SEMA5A: variants seen among roughly 807,000 people sequenced by gnomAD.
SEMA5A encodes the protein semaphorin-5A.
In SEMA5A, 55 loss-of-function variants were observed where a neutral mutation model predicts 135.5. The ratio of observed to expected loss-of-function variants is 0.41; its 90% CI spans 0.33 to 0.51. The LOEUF is 0.51. Among genes scored for constraint, SEMA5A ranks in the 20% least tolerant of loss-of-function variants. The pLI, the probability that SEMA5A is intolerant of heterozygous loss-of-function variation, is 0.37. For synonymous variants in SEMA5A, 580 were observed against 546.5 expected (o/e 1.06, Z -0.85); for missense variants, 1,290 against 1,419.9 (o/e 0.91, Z 1.47).
rs188441558 is a variant in SEMA5A, at chr5:9,052,843, T to C, written c.2690-815A>G. ...AAAACTCTGGATATTGTTTATGGAA[T>C]TTTAATCAGGATAAAAAGGTATTTT... On this transcript the variant is annotated intron_variant, in intron 19 of 22. Coordinates refer to ENST00000382496, the MANE Select transcript of SEMA5A (RefSeq NM_003966.3). Among the ~76,000 whole-genome samples, 23 of 152,304 alleles carry C rather than the reference T, an allele frequency of 1.5e-4. No homozygotes were observed. In the East Asian group the frequency reaches 4.2e-3, roughly 28 times the overall value.
intron 8 of SEMA5A, among the ~76,000 whole-genome samples, chr5:9,221,668 A>G (rs1747006174): frequency 6.6e-6 from 1 of 152,154 alleles, no homozygotes; most frequent in Non-Finnish European, 1.5e-5. Flanking sequence ...TATGGTGAAA[A>G]GAAAGATAAT....
At chr5:9,252,730 C>T (rs750383627) in intron 5 of SEMA5A, among the ~76,000 whole-genome samples, 1 of 152,192 alleles carries the variant, frequency 6.6e-6, no homozygotes, top group Non-Finnish European at 1.5e-5. Flanking sequence ...ATCTAAGATT[C>T]TAAGATTCCA....
chr5:9,384,661 T>TAGATAGATAGATAGATAGATAG (rs1214516553), intron 2 of SEMA5A, among the ~76,000 whole-genome samples: 2 of 66,522 alleles, frequency 3.0e-5, no homozygotes, highest in Non-Finnish European at 6.7e-5. Flanking sequence ...GATAGATAGA[T>TAGATAGATAGATAGATAGATAG]ATAGATAGAT....
chr5:9,497,074 T>C (rs926412123), intron 1 of SEMA5A, among the ~76,000 whole-genome samples: 3 of 152,206 alleles, frequency 2.0e-5, no homozygotes, highest in East Asian at 1.9e-4. Context: ...AAAGAGAGTA[T>C]CACATGGTAG....
intron 2 of SEMA5A, among the ~76,000 whole-genome samples, chr5:9,419,833 AC>A (rs1340707851): frequency 3.9e-5 from 6 of 152,340 alleles, no homozygotes; most frequent in East Asian, 3.9e-4. Flanking sequence ...CGAATAACCA[AC>A]AAAAACAAGT....
At chr5:9,286,604 G>T (rs970597973) in intron 5 of SEMA5A, among the ~76,000 whole-genome samples, 2 of 151,930 alleles carry the variant, frequency 1.3e-5, no homozygotes, top group Non-Finnish European at 1.5e-5. Flanking sequence ...GACTGACCAG[G>T]GCTGGACAGT....
chr5:9,419,655 G>C (rs1029490201), intron 2 of SEMA5A, among the ~76,000 whole-genome samples: 7 of 152,066 alleles, frequency 4.6e-5, no homozygotes, highest in Admixed American at 3.9e-4. Context: ...ATAAAATAGG[G>C]GGCTTTATGT....
intron 3 of SEMA5A, among the ~76,000 whole-genome samples, chr5:9,338,965 G>A (rs1370653241): frequency 6.6e-6 from 1 of 152,122 alleles, no homozygotes; most frequent in Non-Finnish European, 1.5e-5. Flanking sequence ...AGGGGGAAGT[G>A]ATATCAAGTA....
intron 5 of SEMA5A, among the ~76,000 whole-genome samples, chr5:9,314,091 T>C (rs934825577): frequency 2.0e-5 from 3 of 152,200 alleles, no homozygotes; most frequent in Non-Finnish European, 4.4e-5. Flanking sequence ...ATCTGTTTCA[T>C]CATTTTTCTA....
At chr5:9,128,416 T>C (rs1741231686) in intron 13 of SEMA5A, among the ~76,000 whole-genome samples, 1 of 152,232 alleles carries the variant, frequency 6.6e-6, no homozygotes, top group African/African-American at 2.4e-5. Context: ...TCTCTGCTCC[T>C]TCTCTTCCTT....
At position 9,066,436 on chromosome 5, in the gene SEMA5A, C is replaced by A; in HGVS notation, c.2284G>T (p.Gly762Cys). The A allele has an allele frequency of 1.2e-6, 2 of 1,614,164 alleles. No individual in the cohort carries two copies. The highest frequency in any genetic ancestry group is 1.7e-6 in the Non-Finnish European group (2 of 1,179,972). The change falls in exon 17 of 23, where the codon GGC becomes TGC. Residue 762 changes from glycine (G) to cysteine (C), a missense_variant. Coordinates refer to ENST00000382496, the MANE Select transcript of SEMA5A (RefSeq NM_003966.3). ...CACTACTCACCATCTGTGGAGCAGCCACTGGTGCCGTCGCTAGAACAGTAC... is the reference window on the plus strand; with the variant it reads ...CACTACTCACCATCTGTGGAGCAGCAACTGGTGCCGTCGCTAGAACAGTAC... Reference protein sequence around the residue: ...MRYCSSDGTSGCSTDGLSGDF... With the variant: ...MRYCSSDGTSCCSTDGLSGDF...
At chr5:9,305,015 G>A (rs553521731) in intron 5 of SEMA5A, among the ~76,000 whole-genome samples, 4 of 151,988 alleles carry the variant, frequency 2.6e-5, no homozygotes, top group Non-Finnish European at 5.9e-5. Flanking sequence ...AGATGCCTTC[G>A]GTAACTGTAT....
intron 3 of SEMA5A, among the ~76,000 whole-genome samples, chr5:9,358,611 G>T (rs570039064): frequency 6.6e-6 from 1 of 152,354 alleles, no homozygotes; most frequent in East Asian, 1.9e-4. Flanking sequence ...TGCAAAGGCT[G>T]CCCTGATGCA....
intron 8 of SEMA5A, among the ~76,000 whole-genome samples, chr5:9,213,340 G>A (rs142035971): frequency 5.9e-5 from 9 of 152,334 alleles, no homozygotes; most frequent in South Asian, 2.1e-4. Flanking sequence ...AGAAAAAGAC[G>A]TTAAGTCCTG....
chr5:9,084,235 C>T (rs1738554627), intron 16 of SEMA5A, among the ~76,000 whole-genome samples: 1 of 152,116 alleles, frequency 6.6e-6, no homozygotes, highest in African/African-American at 2.4e-5. Flanking sequence ...AGCAGTCATC[C>T]AAATTAAAAG....
Position 9,194,979 on chromosome 5 carries a change from C to T in SEMA5A, c.1068+2189G>A, listed in dbSNP as rs557722759. Among the ~76,000 whole-genome samples, 4 of 152,294 alleles carry T rather than the reference C, an allele frequency of 2.6e-5. No individual in the cohort carries two copies. In the South Asian group the frequency reaches 8.3e-4, roughly 32 times the overall value. On this transcript the variant is annotated intron_variant, in intron 10 of 22. Transcript: ENST00000382496. ...ATGAAGTTTACTAAGCCACGCTGTT[C>T]ACAGTAAGGCCTTCTGCAATAAAAA...
At chr5:9,302,137 G>A (rs759118072) in intron 5 of SEMA5A, among the ~76,000 whole-genome samples, 5 of 152,120 alleles carry the variant, frequency 3.3e-5, no homozygotes, top group Non-Finnish European at 7.3e-5. Context: ...AAAAACACAT[G>A]TGATTGTATC....
At chr5:9,511,943 T>G (rs1199407725) in intron 1 of SEMA5A, 1 of 152,232 alleles carries the variant, frequency 6.6e-6, no homozygotes, top group Non-Finnish European at 1.5e-5. Flanking sequence ...GACAACATTA[T>G]CCTGACAAAA....
intron 8 of SEMA5A, among the ~76,000 whole-genome samples, chr5:9,222,801 C>T (rs1335345355): frequency 6.6e-6 from 1 of 152,194 alleles, no homozygotes; most frequent in African/African-American, 2.4e-5. Flanking sequence ...ACAACCAGGA[C>T]GCTGACCGAT....
Sources: gnomAD v4.1 joint callset for allele counts (sites outside exome capture counted in the v4.1 genomes callset) on GRCh38, gnomAD v4.1.1 for gene constraint, MANE v1.5 for transcripts, NCBI Gene and HGNC (gene_info 2026-07-23, HGNC 2026-07-21) for gene names.